NVL: variants seen among roughly 807,000 people sequenced by gnomAD.
The protein encoded by NVL is nuclear VCP like, also known as nuclear valosin-containing protein-like.
In NVL, 84 loss-of-function variants were observed where a neutral mutation model predicts 110.2. The ratio of observed to expected loss-of-function variants is 0.76; its 90% CI spans 0.64 to 0.91. The LOEUF (loss-of-function observed/expected upper bound fraction) is 0.91, where lower values mean the gene tolerates loss of function less well. NVL is among the 40% of genes least tolerant of loss of function. The pLI, the probability that NVL is intolerant of heterozygous loss-of-function variation, is 0.00. For missense variants in NVL, 882 were observed against 1,035.9 expected (o/e 0.85, Z 2.04); for synonymous variants, 354 against 361.1 (o/e 0.98, Z 0.22).
At chr1:224,247,055 CA>C (rs57687356) in intron 19 of NVL, among the ~76,000 whole-genome samples, 6,293 of 93,424 alleles carry the variant, frequency 0.067, 143 homozygotes, top group Non-Finnish European at 0.1. Flanking sequence ...CATACTGTGT[CA>C]AAAAAAAAAA....
At chr1:224,314,291 G>A (rs572789545) in intron 4 of NVL, among the ~76,000 whole-genome samples, 17 of 152,250 alleles carry the variant, frequency 1.1e-4, no homozygotes, top group African/African-American at 3.6e-4. Context: ...TTATGCAATA[G>A]TGTAACACAA....
chr1:224,307,614 G>T (rs1452092792), intron 6 of NVL, among the ~76,000 whole-genome samples: 2 of 150,898 alleles, frequency 1.3e-5, no homozygotes, highest in African/African-American at 4.9e-5. Context: ...GTGGGGGATG[G>T]CTTGAGCCTG....
intron 11 of NVL, among the ~76,000 whole-genome samples, chr1:224,296,030 C>G (rs929640291): frequency 6.1e-5 from 9 of 146,980 alleles, no homozygotes; most frequent in Non-Finnish European, 1.2e-4. Context: ...ATTTGGGAGG[C>G]TTAAATGGGA....
chr1:224,271,877 G>C (rs1665146101), intron 17 of NVL, among the ~76,000 whole-genome samples: 1 of 152,040 alleles, frequency 6.6e-6, no homozygotes, highest in African/African-American at 2.4e-5. Context: ...AGCCAGGCGT[G>C]GTGGTGTGCG....
intron 20 of NVL, 105 bp from the exon 21 acceptor site, chr1:224,233,394 G>T: frequency 1.4e-6 from 1 of 709,792 alleles, no homozygotes; most frequent in Non-Finnish European, 2.1e-6. Context: ...ATAATCAGGA[G>T]AAAAAGTGAC....
rs775668486 is a variant in NVL, at chr1:224,305,032, A to C, written c.748+2T>G. 2 of 1,612,542 alleles carry C rather than the reference A, an allele frequency of 1.2e-6. No individual in the cohort carries two copies. Among genetic ancestry groups the C allele is most frequent in the African/African-American group, 2.7e-5 (2 of 74,838 alleles). On this transcript the variant is annotated splice_donor_variant, in intron 7 of 22. Transcript: ENST00000281701. LOFTEE classifies it high-confidence loss of function. ...CTGCCACCAACAAGACTCACACCTT[A>C]CCTTTCTTTTGCAGGACAGCTTCAA...
chr1:224,237,167 T>C (rs771697951), intron 19 of NVL, among the ~76,000 whole-genome samples: 4 of 152,226 alleles, frequency 2.6e-5, no homozygotes, highest in Non-Finnish European at 5.9e-5. Context: ...CACCTCGATC[T>C]TTCCAAAGGT....
rs780221566 is a variant in NVL, at chr1:224,305,126, C to T, written c.656G>A (p.Arg219Gln). The change falls in exon 7 of 23, where the codon CGG becomes CAG. Residue 219 changes from arginine (R) to glutamine (Q), a missense_variant. Around this residue, in one of 4 missense-constraint regions of NVL, gnomAD observed 274 missense variants for 268.4 expected, o/e 1.02. Transcript: ENST00000281701. ...DSSLLESDMKRKGKLKNKGSK... is the reference protein window; with the variant it reads ...DSSLLESDMKQKGKLKNKGSK... ...TCCTTTATTCTTTAGCTTGCCTTTC[C>T]GTTTCATATCACTCTCCAAAAGAGA... 8.7e-6 allele frequency: 14 copies of T among 1,613,308 alleles called. No individual in the cohort carries two copies. The highest frequency in any genetic ancestry group is 2.2e-5 in the East Asian group (1 of 44,878).
chr1:224,322,617 A>T (rs2102790830), intron 2 of NVL, among the ~76,000 whole-genome samples: 1 of 152,282 alleles, frequency 6.6e-6, no homozygotes, highest in Admixed American at 6.5e-5. Flanking sequence ...TTTGAGGTGC[A>T]TGTTAGAAGA....
intron 21 of NVL, among the ~76,000 whole-genome samples, chr1:224,232,350 C>CA (rs1358642279): frequency 2.7e-5 from 4 of 150,354 alleles, no homozygotes; most frequent in Non-Finnish European, 5.9e-5. Context: ...GACTCTGTCT[C>CA]AAAAAAAATA....
rs758399148 is a variant in NVL at position 224,250,322 on chromosome 1, GAGA to G, written c.2183-7_2183-5del. 35 of 1,541,662 alleles carry G rather than the reference GAGA, an allele frequency of 2.3e-5. No individual in the cohort carries two copies. Among genetic ancestry groups the G allele is most frequent in the Non-Finnish European group, 2.9e-5 (33 of 1,150,876 alleles). ...AGGATTGCAGGGTCAATTATATCTA[GAGA>G]AGAAGGGAGAAAAAAAGTCTTAAAT... On this transcript the variant is annotated splice_polypyrimidine_tract_variant and splice_region_variant and intron_variant, in intron 18 of 22. Coordinates refer to ENST00000281701, the MANE Select transcript of NVL (RefSeq NM_002533.4).
chr1:224,253,800 A>G (rs1662825664), intron 18 of NVL, among the ~76,000 whole-genome samples: 1 of 151,932 alleles, frequency 6.6e-6, no homozygotes, highest in Non-Finnish European at 1.5e-5. Context: ...TTGTACCATT[A>G]CATTCCCATC....
At chr1:224,296,355 C>T (rs1445622678) in intron 11 of NVL, 146 bp downstream of exon 11, 1 of 474,346 alleles carries the variant, frequency 2.1e-6, no homozygotes. Context: ...GTTAGGATTA[C>T]AGGCATGAGC....
intron 6 of NVL, among the ~76,000 whole-genome samples, chr1:224,306,289 C>T (rs926868690): frequency 2.2e-4 from 33 of 151,768 alleles, no homozygotes; most frequent in Admixed American, 5.9e-4. Context: ...TTTTTTGAGA[C>T]GGAGTCTCGC....
intron 16 of NVL, among the ~76,000 whole-genome samples, chr1:224,280,631 T>C (rs1253911109): frequency 2.0e-5 from 3 of 152,218 alleles, no homozygotes; most frequent in Non-Finnish European, 4.4e-5. Flanking sequence ...AAAACAAATG[T>C]TACCCTCATT....
chr1:224,317,828 A>C (rs1404671459), intron 3 of NVL, 35 bp from the exon 4 acceptor site: 1 of 1,559,056 alleles, frequency 6.4e-7, no homozygotes, highest in Non-Finnish European at 8.8e-7. Flanking sequence ...GAGCTAAAAC[A>C]ATCGTTTGTA....
chr1:224,256,447 A>AC (rs1553311557), intron 18 of NVL, among the ~76,000 whole-genome samples: 7 of 146,714 alleles, frequency 4.8e-5, no homozygotes, highest in East Asian at 2.0e-4. Context: ...AAAAAAAAAA[A>AC]CCCACAGAAA....
At chr1:224,242,759 T>C (rs768130019) in intron 19 of NVL, among the ~76,000 whole-genome samples, 1 of 151,834 alleles carries the variant, frequency 6.6e-6, no homozygotes, top group Non-Finnish European at 1.5e-5. Flanking sequence ...TGAGTCACCA[T>C]GCCCAACCAA....
rs377757688 is a variant in NVL at position 224,308,066 on chromosome 1, A to G, written c.540T>C (p.Ser180=). The change falls in exon 6 of 23, where the codon AGT becomes AGC. Residue 180 remains serine (S), a synonymous_variant. Coordinates refer to ENST00000281701, the MANE Select transcript of NVL (RefSeq NM_002533.4). ...CCAAGAAAAAACTGTCTTTCTTTAC[A>G]CTTGGGGTTTTGTCAATAAACCATC... ...EGGWFIDKTP[S]VKKDSFFLDL... is the part of the protein sequence containing the mutation. The G allele has an allele frequency of 1.7e-5, 28 of 1,605,784 alleles. No homozygotes were observed. In the African/African-American group the frequency reaches 3.6e-4, roughly 21 times the overall value.
Sources: allele counts gnomAD v4.1 joint callset (sites outside exome capture counted in the v4.1 genomes callset), GRCh38; gene constraint gnomAD v4.1.1; regional missense constraint gnomAD v4.1.1; transcripts MANE v1.5; gene names NCBI Gene and HGNC (gene_info 2026-07-23, HGNC 2026-07-21).